CSTB: variants seen among roughly 807,000 people sequenced by gnomAD.
The protein encoded by CSTB is cystatin-B.
In CSTB, 8 loss-of-function variants were observed where a neutral mutation model predicts 7.6. That is an observed-to-expected ratio of 1.05 (90% CI 0.62 to 1.89). The LOEUF is 1.89. Ranked by LOEUF, CSTB falls within the 40% of genes most tolerant of loss-of-function variation. The probability of loss-of-function intolerance (pLI) is 0.00; values close to 1 mark genes in which losing one functional copy is unlikely to be tolerated. For missense variants in CSTB, 124 were observed against 126.4 expected, an observed-to-expected ratio of 0.98 and a Z score of 0.09; for synonymous variants, 56 against 55.3, an observed-to-expected ratio of 1.01 and a Z score of -0.06.
chr21:43,774,325 G>A lies in CSTB; in HGVS notation c.174C>T (p.His58=), dbSNP rs763095750. The A allele has an allele frequency of 9.3e-6, 15 of 1,614,060 alleles. No homozygotes were observed. The highest frequency in any genetic ancestry group is 4.5e-5 in the East Asian group (2 of 44,904). ...GGTGTACGAAGTCCTCGTCGCCGAC[G>A]TGCACCTGGGAAGAGAGCGGAGTGA... The part of the protein sequence containing the change: ...VAGTNYFIKV[H]VGDEDFVHLR... Residue 58 remains histidine (H), a synonymous_variant, in exon 3 of 3, where the codon CAC becomes CAT. Coordinates refer to ENST00000291568, the MANE Select transcript of CSTB (RefSeq NM_000100.4).
At chr21:43,774,482 A>C (rs2084000466) in intron 2 of CSTB, 152 bp from the exon 3 acceptor site, 2 of 1,292,968 alleles carry the variant, frequency 1.5e-6, no homozygotes, top group East Asian at 4.7e-5. Flanking sequence ...TGGGGTTCTT[A>C]GCTCCCCAGA....
At chr21:43,776,011 G>T in intron 1 of CSTB, 193 bp downstream of exon 1, 1 of 488,982 alleles carries the variant, frequency 2.0e-6, no homozygotes, top group South Asian at 3.3e-5. Flanking sequence ...CCCCAGCGGC[G>T]CCCCAGGCGC....
At chr21:43,776,166 A>T in intron 1 of CSTB, 38 bp downstream of exon 1, 2 of 1,512,412 alleles carry the variant, frequency 1.3e-6, no homozygotes, top group East Asian at 2.5e-5. Context: ...AGGCTAAGGC[A>T]GGACTCCGGG....
chr21:43,774,913 CTAA>C (rs2084002946), intron 1 of CSTB, 154 bp from the exon 2 acceptor site: 5 of 704,830 alleles, frequency 7.1e-6, no homozygotes, highest in Admixed American at 4.1e-5. Context: ...AACTGTCAGC[CTAA>C]TAATAAAGTA....
chr21:43,776,192 C>A lies in CSTB; in HGVS notation c.66+12G>T, dbSNP rs2084009236. The A allele has an allele frequency of 6.5e-7, 1 of 1,528,426 alleles. No homozygotes were observed. The highest frequency in any genetic ancestry group is 8.8e-7 in the Non-Finnish European group (1 of 1,141,950). The allele number at this position is 1,528,426 out of a possible 1,614,324, so 94.7% of individuals were successfully genotyped here. On this transcript the variant is annotated intron_variant, in intron 1 of 2. Coordinates refer to ENST00000291568, the MANE Select transcript of CSTB (RefSeq NM_000100.4). ...GGACTCCGGGCCGGCCCCGTCCCCG[C>A]GGCCCACCCACCTGGTCGGCGATGT...
chr21:43,774,607 T>C, intron 2 of CSTB, 51 bp downstream of exon 2: 1 of 1,520,592 alleles, frequency 6.6e-7, no homozygotes, highest in South Asian at 1.1e-5. Flanking sequence ...GCACAGGCGG[T>C]TTCCTACCAG....
Position 43,776,272 on chromosome 21 carries a change from TG to T in CSTB, c.-4del. On this transcript the variant is annotated 5_prime_UTR_variant, in exon 1 of 3. Coordinates refer to ENST00000291568, the MANE Select transcript of CSTB (RefSeq NM_000100.4). ...GCGGAGGGCGCCCCGCACATCATCT[TG>T]GCGGCGACGGAGGGAATCTGGCGAG... is the stretch of plus-strand genomic sequence containing the variant. 1 of 1,528,788 alleles carries T rather than the reference TG, an allele frequency of 6.5e-7. No homozygotes were observed. The highest frequency in any genetic ancestry group is 8.8e-7 in the Non-Finnish European group (1 of 1,140,108). The allele number at this position is 1,528,788 out of a possible 1,614,324, so 94.7% of individuals were successfully genotyped here. A position where few individuals can be genotyped will look rare whatever the true frequency, so the allele number is the denominator to read the frequency against.
At chr21:43,774,488 C>G in intron 2 of CSTB, 158 bp from the exon 3 acceptor site, 1 of 1,265,056 alleles carries the variant, frequency 7.9e-7, no homozygotes. Context: ...TCTTAGCTCC[C>G]CAGAAGCCCT....
chr21:43,774,533 G>A, intron 2 of CSTB, 125 bp downstream of exon 2: 1 of 1,120,654 alleles, frequency 8.9e-7, no homozygotes, highest in Non-Finnish European at 1.3e-6. Flanking sequence ...ACACACAGTA[G>A]GATGCTTATC....
chr21:43,774,274 A>G lies in CSTB; in HGVS notation c.225T>C (p.His75=), dbSNP rs753974589. ...TAGATAAGGTCAAGGGCTTGTTTTC[A>G]TGAGGGAGAGATTGGAACACTCGCA... ...VHLRVFQSLP[H]ENKPLTLSNY... is the part of the protein sequence containing the mutation. The change falls in exon 3 of 3, where the codon CAT becomes CAC. Residue 75 remains histidine, a synonymous_variant. Coordinates refer to ENST00000291568, the MANE Select transcript of CSTB (RefSeq NM_000100.4). 8.7e-6 allele frequency: 14 copies of G among 1,614,082 alleles called. No homozygotes were observed. The highest frequency in any genetic ancestry group is 1.6e-4 in the Middle Eastern group (1 of 6,084).
At chr21:43,774,585 C>G in intron 2 of CSTB, 73 bp downstream of exon 2, 1 of 1,371,406 alleles carries the variant, frequency 7.3e-7, no homozygotes, top group Admixed American at 1.7e-5. Context: ...TAAGACCACA[C>G]AGCCCGGGCC....
intron 2 of CSTB, 53 bp downstream of exon 2, chr21:43,774,605 G>T (rs180832281): frequency 2.0e-6 from 3 of 1,488,962 alleles, no homozygotes. Flanking sequence ...CTGCACAGGC[G>T]GTTTCCTACC....
At position 43,774,040 on chromosome 21, in the gene CSTB, T is replaced by C. The variant is rs2083997950; in HGVS notation, c.*162A>G. The C allele has an allele frequency of 7.7e-6, 6 of 779,388 alleles. No individual in the cohort carries two copies. Among genetic ancestry groups the C allele is most frequent in the African/African-American group, 1.7e-5 (1 of 57,610 alleles). 48.3% of individuals were successfully genotyped at this position (779,388 alleles called of 1,614,324 possible). ...AGGAAAGAAATCAACACAATGAAAT[T>C]TAGGAAGAGAAATGCAAAAGCAGCT... On this transcript the variant is annotated 3_prime_UTR_variant, in exon 3 of 3. Transcript: ENST00000291568.
chr21:43,774,618 C>T (rs764244824), intron 2 of CSTB, 40 bp downstream of exon 2: 22 of 1,557,050 alleles, frequency 1.4e-5, no homozygotes, highest in Non-Finnish European at 1.9e-5. Context: ...TTCCTACCAG[C>T]ACCCGTTCGG....
At position 43,776,261 on chromosome 21, in the gene CSTB, G is replaced by A. The variant is rs555930471; in HGVS notation, c.9C>T (p.Cys3=). The change falls in exon 1 of 3, where the codon TGC becomes TGT. Residue 3 remains cysteine (C), a synonymous_variant. Coordinates refer to ENST00000291568, the MANE Select transcript of CSTB (RefSeq NM_000100.4). The part of the protein sequence containing the change: MM[C]GAPSATQPAT... The stretch of plus-strand genomic sequence containing the variant: ...CCGGCTGCGTGGCGGAGGGCGCCCC[G>A]CACATCATCTTGGCGGCGACGGAGG... The A allele has an allele frequency of 9.8e-6, 15 of 1,528,398 alleles. No individual in the cohort carries two copies. In the East Asian group the frequency reaches 2.5e-4, roughly 26 times the overall value. 94.7% of individuals were successfully genotyped at this position (1,528,398 alleles called of 1,614,324 possible).
At chr21:43,776,108 C>A in intron 1 of CSTB, 96 bp downstream of exon 1, 1 of 1,175,586 alleles carries the variant, frequency 8.5e-7, no homozygotes, top group Non-Finnish European at 1.2e-6. Flanking sequence ...GGGTGCGCAG[C>A]GGGGCCAAAG....
chr21:43,775,192 C>A, intron 1 of CSTB: 1 of 298,918 alleles, frequency 3.3e-6, no homozygotes, highest in Non-Finnish European at 6.6e-6. Context: ...CACTGCACTC[C>A]ACCCTGGGCA....
intron 1 of CSTB, 64 bp from the exon 2 acceptor site, chr21:43,774,823 A>G: frequency 8.5e-7 from 1 of 1,172,246 alleles, no homozygotes; most frequent in Non-Finnish European, 1.3e-6. Flanking sequence ...TGCTAGAGTA[A>G]CTTGCACGCA....
At chr21:43,774,890 G>T (rs2084002865) in intron 1 of CSTB, 131 bp from the exon 2 acceptor site, 1 of 746,816 alleles carries the variant, frequency 1.3e-6, no homozygotes, top group East Asian at 2.5e-5. Flanking sequence ...TCTTACAACT[G>T]AAGGGACATT....
Sources: gnomAD v4.1 joint callset for allele counts on GRCh38, gnomAD v4.1.1 for gene constraint, MANE v1.5 for transcripts, NCBI Gene and HGNC (gene_info 2026-07-23, HGNC 2026-07-21) for gene names.